The following SLC26A9 variants were observed in gnomAD, a reference collection of about 807,000 sequenced individuals.
The protein encoded by SLC26A9 is anion transporter/exchanger protein 9.
In SLC26A9, 46 loss-of-function variants were observed where a neutral mutation model predicts 87.1. The observed-to-expected ratio is 0.53, with a 90% confidence interval of 0.42 to 0.67. SLC26A9 has a LOEUF of 0.67. Ranked by LOEUF, SLC26A9 falls within the 30% of genes least tolerant of loss-of-function variation. SLC26A9 has a pLI of 0.00. For synonymous variants in SLC26A9, 437 were observed against 409.1 expected (o/e 1.07, Z -0.82); for missense variants, 927 against 1,018.3 (o/e 0.91, Z 1.22).
rs774184811 is a variant in SLC26A9 at position 205,917,345 on chromosome 1, C to G, written c.2266G>C (p.Asp756His). The change falls in exon 20 of 21, where the codon GAT becomes CAT. Residue 756 changes from aspartate (D) to histidine (H), a missense_variant. Coordinates refer to ENST00000367135, the MANE Select transcript of SLC26A9 (RefSeq NM_052934.4). The part of the protein sequence containing the change: ...PGHNFQGAPG[D>H]AELSLYDSEE... ...GAGTCGTACAAGGAGAGCTCAGCATCCCCTGGAGCCTGGAAGGGAGGAAGC... is the reference window on the plus strand; with the variant it reads ...GAGTCGTACAAGGAGAGCTCAGCATGCCCTGGAGCCTGGAAGGGAGGAAGC... 1 of 1,613,970 alleles carries G rather than the reference C, an allele frequency of 6.2e-7. No homozygotes were observed. The highest frequency in any genetic ancestry group is 2.2e-5 in the East Asian group (1 of 44,870).
At chr1:205,929,378 T>G (rs369337366) in intron 6 of SLC26A9, 22 bp from the exon 7 acceptor site, 10 of 1,610,856 alleles carry the variant, frequency 6.2e-6, no homozygotes, top group African/African-American at 1.3e-5. Flanking sequence ...AGCATCATGC[T>G]CACAGGCTCC....
chr1:205,915,025 T>C lies in SLC26A9; in HGVS notation c.*332A>G. The C allele has an allele frequency of 6.2e-7, 1 of 1,614,140 alleles. No homozygotes were observed. Among genetic ancestry groups the C allele is most frequent in the Non-Finnish European group, 8.5e-7 (1 of 1,180,020 alleles). On this transcript the variant is annotated 3_prime_UTR_variant, in exon 21 of 21. Transcript: ENST00000367135. ...TTGGCTCACTCGTAAAAGCTGGAAGTCAAGGTGTCCTTCAGCTGCCAAGGA... is the reference window on the plus strand; with the variant it reads ...TTGGCTCACTCGTAAAAGCTGGAAGCCAAGGTGTCCTTCAGCTGCCAAGGA...
At position 205,915,070 on chromosome 1, in the gene SLC26A9, G is replaced by C; in HGVS notation, c.*287C>G. 2 of 1,614,196 alleles carry C rather than the reference G, an allele frequency of 1.2e-6. No homozygotes were observed. Among genetic ancestry groups the C allele is most frequent in the Non-Finnish European group, 1.7e-6 (2 of 1,180,032 alleles). The stretch of plus-strand genomic sequence containing the variant: ...CAAGGACAGGGCAGAGGTGGGTGGG[G>C]TGGAGTGAGCAGGAGGCTTGTCCAT... On this transcript the variant is annotated 3_prime_UTR_variant, in exon 21 of 21. Coordinates refer to ENST00000367135, the MANE Select transcript of SLC26A9 (RefSeq NM_052934.4).
chr1:205,932,655 C>T, intron 4 of SLC26A9, 47 bp downstream of exon 4: 1 of 1,470,066 alleles, frequency 6.8e-7, no homozygotes, highest in Non-Finnish European at 9.1e-7. Flanking sequence ...CACCTCCCAT[C>T]CTTGGGGTCT....
At chr1:205,915,804 A>T (rs1658569847) in intron 20 of SLC26A9, among the ~76,000 whole-genome samples, 4 of 152,128 alleles carry the variant, frequency 2.6e-5, no homozygotes, top group Admixed American at 2.0e-4. Context: ...AATGTGCTGG[A>T]GATTCCAAGA....
intron 1 of SLC26A9, among the ~76,000 whole-genome samples, chr1:205,940,045 G>A (rs1659674148): frequency 6.6e-6 from 1 of 152,104 alleles, no homozygotes; most frequent in East Asian, 1.9e-4. Flanking sequence ...AAGGGGGGCA[G>A]GTCCTAAAGA....
At position 205,917,755 on chromosome 1, in the gene SLC26A9, G is replaced by A. The variant is rs118133410; in HGVS notation, c.2257-401C>T. Among the ~76,000 whole-genome samples, 384 of 152,230 alleles carry A rather than the reference G, an allele frequency of 2.5e-3. 3 individuals carry two copies. The highest frequency in any genetic ancestry group is 0.019 in the East Asian group (97 of 5,184). On this transcript the variant is annotated intron_variant, in intron 19 of 20. Transcript: ENST00000367135. ...TGCTGTTGAAAAGGTGTGTGTTTAT[G>A]TGTGTGATTTGTATCTGTGAATGGT... is the stretch of plus-strand genomic sequence containing the variant.
chr1:205,924,547 G>T, intron 12 of SLC26A9, 58 bp from the exon 13 acceptor site: 1 of 1,528,868 alleles, frequency 6.5e-7, no homozygotes, highest in Non-Finnish European at 9.0e-7. Context: ...CTTTCAGGAA[G>T]TCTTCCTGGA....
chr1:205,924,166 C>T (rs1351314186), intron 13 of SLC26A9, among the ~76,000 whole-genome samples: 1 of 152,206 alleles, frequency 6.6e-6, no homozygotes, highest in African/African-American at 2.4e-5. Context: ...AGTATGCTGG[C>T]TTTCTCTGGG....
chr1:205,917,723 C>T (rs572701185), intron 19 of SLC26A9, among the ~76,000 whole-genome samples: 1 of 152,228 alleles, frequency 6.6e-6, no homozygotes, highest in South Asian at 2.1e-4. Flanking sequence ...TGCTTTGTCC[C>T]TCACAATGCT....
Position 205,923,194 on chromosome 1 carries a change from G to A in SLC26A9, c.1661C>T (p.Thr554Ile). ...EIFRQKVIAKTGMDPQKVLLA... is the reference protein window; with the variant it reads ...EIFRQKVIAKIGMDPQKVLLA... ...TAATACTTTCTGGGGGTCCATGCCT[G>A]TCTGCAGGGAGAGAGCCAACAGCAA... Residue 554 changes from threonine (T) to isoleucine (I), a missense_variant and splice_region_variant, in exon 16 of 21, where the codon ACA becomes ATA. Physicochemically the swap from Thr to Ile is moderately conservative, Grantham distance 89. Coordinates refer to ENST00000367135, the MANE Select transcript of SLC26A9 (RefSeq NM_052934.4). 6.2e-7 allele frequency: 1 copy of A among 1,614,142 alleles called. No individual in the cohort carries two copies. Among genetic ancestry groups the A allele is most frequent in the South Asian group, 1.1e-5 (1 of 91,076 alleles).
chr1:205,925,302 G>A (rs1218713532), intron 12 of SLC26A9, among the ~76,000 whole-genome samples: 1 of 152,188 alleles, frequency 6.6e-6, no homozygotes. Context: ...GATCGGCTGG[G>A]GGCCTGGTTT....
intron 2 of SLC26A9, among the ~76,000 whole-genome samples, chr1:205,934,154 G>A (rs918416354): frequency 3.3e-5 from 5 of 152,164 alleles, no homozygotes; most frequent in Non-Finnish European, 7.3e-5. Context: ...AACCAACAAA[G>A]ACAATGCTTT....
chr1:205,928,084 G>T, intron 8 of SLC26A9, 35 bp from the exon 9 acceptor site: 1 of 1,603,048 alleles, frequency 6.2e-7, no homozygotes, highest in Non-Finnish European at 8.5e-7. Flanking sequence ...AGAACCCAAG[G>T]GTGTGAGTGG....
rs1659144651 is a variant in SLC26A9 at position 205,927,886 on chromosome 1, G to C, written c.1101+16C>G. Reference sequence around the variant, plus strand: ...GACCTGTCCTGCCCAGTCCTGCCGGGGGTGGCCAGAGCTACCTGGTTCGAA... The same window carrying C: ...GACCTGTCCTGCCCAGTCCTGCCGGCGGTGGCCAGAGCTACCTGGTTCGAA... On this transcript the variant is annotated intron_variant, in intron 9 of 20. Transcript: ENST00000367135. The C allele has an allele frequency of 6.2e-7, 1 of 1,612,544 alleles. No individual in the cohort carries two copies. Among genetic ancestry groups the C allele is most frequent in the Non-Finnish European group, 8.5e-7 (1 of 1,179,032 alleles).
At position 205,914,704 on chromosome 1, in the gene SLC26A9, A is replaced by C; in HGVS notation, c.*653T>G. On this transcript the variant is annotated 3_prime_UTR_variant, in exon 21 of 21. Coordinates refer to ENST00000367135, the MANE Select transcript of SLC26A9 (RefSeq NM_052934.4). ...GACGGTCCTGGCCACTGTCCAGGCT[A>C]GAGTCTGATGTGCTTGCTGACAGCA... 4 of 665,328 alleles carry C rather than the reference A, an allele frequency of 6.0e-6. No individual in the cohort carries two copies. The highest frequency in any genetic ancestry group is 7.5e-6 in the Non-Finnish European group (3 of 400,206). 41.2% of individuals were successfully genotyped at this position (665,328 alleles called of 1,614,324 possible). A position where few individuals can be genotyped will look rare whatever the true frequency, so the allele number is the denominator to read the frequency against.
intron 1 of SLC26A9, 125 bp downstream of exon 1, chr1:205,943,240 C>T (rs992436747): frequency 1.3e-5 from 2 of 152,092 alleles, no homozygotes; most frequent in African/African-American, 4.8e-5. Flanking sequence ...GCCAGAGTGT[C>T]CTTCCTACTT....
intron 17 of SLC26A9, among the ~76,000 whole-genome samples, chr1:205,921,020 C>T (rs939917484): frequency 4.3e-4 from 65 of 152,238 alleles, no homozygotes; most frequent in African/African-American, 1.5e-3. Context: ...GCCCATTGTT[C>T]CCCTGGCTTG....
intron 9 of SLC26A9, 49 bp downstream of exon 9, chr1:205,927,853 C>T: frequency 1.3e-6 from 2 of 1,591,872 alleles, no homozygotes; most frequent in Non-Finnish European, 8.6e-7. Flanking sequence ...TCATGCCAGG[C>T]CTGAGTTGAC....
Sources: allele counts gnomAD v4.1 joint callset (sites outside exome capture counted in the v4.1 genomes callset), GRCh38; gene constraint gnomAD v4.1.1; transcripts MANE v1.5; gene names NCBI Gene and HGNC (gene_info 2026-07-23, HGNC 2026-07-21).